Variants in COL1A2 observed in about 807,000 individuals in gnomAD.
COL1A2 encodes collagen alpha-2(I) chain.
In COL1A2, 49 loss-of-function variants were observed where a neutral mutation model predicts 174.3. The ratio of observed to expected loss-of-function variants is 0.28; its 90% CI spans 0.22 to 0.36. COL1A2 has a LOEUF of 0.36. COL1A2 is among the 10% of genes least tolerant of loss of function. The pLI, the probability that COL1A2 is intolerant of heterozygous loss-of-function variation, is 1.00. For missense variants in COL1A2, 1,438 were observed against 1,822.7 expected (o/e 0.79, Z 3.84); for synonymous variants, 655 against 606.6 (o/e 1.08, Z -1.17).
At position 94,400,060 on chromosome 7, in the gene COL1A2, C is replaced by T. The variant is rs781748615; in HGVS notation, c.133-136C>T. 8 of 833,662 alleles carry T rather than the reference C, an allele frequency of 9.6e-6. No homozygotes were observed. In the Admixed American group the frequency reaches 1.4e-4, roughly 14 times the overall value. 51.6% of individuals were successfully genotyped at this position (833,662 alleles called of 1,614,324 possible). On this transcript the variant is annotated intron_variant, in intron 4 of 51. Transcript: ENST00000297268. ...AATAGACTCATAAGTGAATTTCAAT[C>T]AATGACAAATATAGTATATTAAATT...
rs368262779 is a variant in COL1A2 at position 94,411,090 on chromosome 7, C to T, written c.1286C>T (p.Ala429Val). 6.2e-7 allele frequency: 1 copy of T among 1,602,960 alleles called. No homozygotes were observed. The highest frequency in any genetic ancestry group is 1.4e-5 in the African/African-American group (1 of 73,816). Reference sequence around the variant, plus strand: ...GGTAGTCGTGGTGCAAGTGGCCCTGCTGGAGTCCGAGGACCTAATGGAGAT... The same window carrying T: ...GGTAGTCGTGGTGCAAGTGGCCCTGTTGGAGTCCGAGGACCTAATGGAGAT... The part of the protein sequence containing the change: ...PPGSRGASGP[A>V]GVRGPNGDAG... Residue 429 changes from alanine to valine, a missense_variant, in exon 23 of 52, where the codon GCT becomes GTT. Physicochemically the swap from Ala to Val is moderately conservative, Grantham distance 64 (BLOSUM62 0). Transcript: ENST00000297268.
Position 94,430,813 on chromosome 7 carries a change from G to T in COL1A2, c.*420G>T. The T allele has an allele frequency of 4.6e-6, 1 of 215,440 alleles. No homozygotes were observed. Among genetic ancestry groups the T allele is most frequent in the Non-Finnish European group, 9.3e-6 (1 of 107,328 alleles). The allele number at this position is 215,440 out of a possible 1,614,324, so 13.3% of individuals were successfully genotyped here. A position where few individuals can be genotyped will look rare whatever the true frequency, so the allele number is the denominator to read the frequency against. ...CCCATGAGTGTGATCCACATTGTTA[G>T]GTGCTGACCTAGACAGAGATGAACT... On this transcript the variant is annotated 3_prime_UTR_variant, in exon 52 of 52. Transcript: ENST00000297268.
intron 6 of COL1A2, 71 bp from the exon 7 acceptor site, chr7:94,404,485 C>A: frequency 6.5e-7 from 1 of 1,529,246 alleles, no homozygotes; most frequent in South Asian, 1.1e-5. Flanking sequence ...CTAAGTTGGT[C>A]ATATCTGACC....
intron 50 of COL1A2, 68 bp from the exon 51 acceptor site, chr7:94,429,120 T>TTC: frequency 1.6e-6 from 2 of 1,261,254 alleles, no homozygotes; most frequent in East Asian, 2.4e-5. Flanking sequence ...TTTTTTTTTT[T>TTC]TTCATGTTTG....
chr7:94,400,665 A>G (rs1220742670), intron 5 of COL1A2, among the ~76,000 whole-genome samples: 1 of 152,150 alleles, frequency 6.6e-6, no homozygotes, highest in Non-Finnish European at 1.5e-5. Context: ...TACGCTTTTT[A>G]TTCTCCTTGA....
In COL1A2 at chr7:94,401,050, T is replaced by A. The variant is rs529079583; in HGVS notation, c.226-517T>A. Among the ~76,000 whole-genome samples, 3 of 152,344 alleles carry A rather than the reference T, an allele frequency of 2.0e-5. No individual in the cohort carries two copies. In the South Asian group the frequency reaches 6.2e-4, roughly 32 times the overall value. On this transcript the variant is annotated intron_variant, in intron 5 of 51. Transcript: ENST00000297268. ...TGTGAACTAGTTTTTAGAAGTTTTA[T>A]CTTCCAAGGGGTATTTTAATTTAAT...
intron 40 of COL1A2, chr7:94,423,417 A>C (rs929473979): frequency 2.4e-6 from 1 of 417,526 alleles, no homozygotes; most frequent in Non-Finnish European, 4.5e-6. Context: ...TGCTGTGGCC[A>C]TCCTACTACA....
At chr7:94,404,472 CTGCT>C (rs1791752563) in intron 6 of COL1A2, 80 bp from the exon 7 acceptor site, 2 of 1,416,096 alleles carry the variant, frequency 1.4e-6, no homozygotes, top group Non-Finnish European at 2.0e-6. Flanking sequence ...AACAATGGCA[CTGCT>C]AAGTTGGTCA....
rs902625662 is a variant in COL1A2 at position 94,427,213 on chromosome 7, C to G, written c.3185C>G (p.Ala1062Gly). The G allele has an allele frequency of 3.1e-6, 5 of 1,614,028 alleles. No individual in the cohort carries two copies. Among genetic ancestry groups the G allele is most frequent in the Non-Finnish European group, 4.2e-6 (5 of 1,179,984 alleles). ...GGCCCTGCTGGTCCTTCTGGCCCTG[C>G]TGGAAAAGATGGTCGCACTGGACAT... Reference protein sequence around the residue: ...PRGPAGPSGPAGKDGRTGHPG... With the variant: ...PRGPAGPSGPGGKDGRTGHPG... The change falls in exon 48 of 52, where the codon GCT becomes GGT. Residue 1062 changes from alanine (A) to glycine (G), a missense_variant. By Grantham distance (60) the Ala-to-Gly change is moderately conservative. Coordinates refer to ENST00000297268, the MANE Select transcript of COL1A2 (RefSeq NM_000089.4).
chr7:94,399,168 A>G (rs1791639590), intron 4 of COL1A2, 84 bp downstream of exon 4: 2 of 1,259,890 alleles, frequency 1.6e-6, no homozygotes, highest in Non-Finnish European at 2.3e-6. Flanking sequence ...GCAATTTATA[A>G]GAATATTATG....
chr7:94,422,571 TTA>T, intron 39 of COL1A2: 4 of 172,568 alleles, frequency 2.3e-5, no homozygotes, highest in South Asian at 9.1e-5. Context: ...TTGGCTTTCT[TTA>T]AAAAAAAAAA....
At position 94,419,557 on chromosome 7, in the gene COL1A2, C is replaced by T; in HGVS notation, c.2079+6C>T. 9 of 1,613,992 alleles carry T rather than the reference C, an allele frequency of 5.6e-6. No homozygotes were observed. The highest frequency in any genetic ancestry group is 7.6e-6 in the Non-Finnish European group (9 of 1,179,972). On this transcript the variant is annotated splice_donor_region_variant and intron_variant, in intron 34 of 51. Coordinates refer to ENST00000297268, the MANE Select transcript of COL1A2 (RefSeq NM_000089.4). ...CTGGAGCCACAGGTGACCGGGTAAGCATGCATTTTCACTAAGCCAACAGCA... is the reference window on the plus strand; with the variant it reads ...CTGGAGCCACAGGTGACCGGGTAAGTATGCATTTTCACTAAGCCAACAGCA...
At chr7:94,426,101 C>T (rs1428681999) in intron 45 of COL1A2, 50 bp downstream of exon 45, 3 of 1,479,050 alleles carry the variant, frequency 2.0e-6, no homozygotes, top group Admixed American at 1.7e-5. Flanking sequence ...TAGAGAGAAT[C>T]AGTCCAAAAC....
chr7:94,413,052 T>A (rs1416473375), intron 25 of COL1A2, 31 bp from the exon 26 acceptor site: 1 of 1,607,188 alleles, frequency 6.2e-7, no homozygotes, highest in Admixed American at 1.7e-5. Context: ...TGCAAAGCTG[T>A]TCTTTGTTTT....
intron 39 of COL1A2, chr7:94,422,155 C>G (rs1467364795): frequency 4.2e-6 from 2 of 473,468 alleles, no homozygotes; most frequent in Non-Finnish European, 7.5e-6. Context: ...GGCTTTTATT[C>G]ATGTGAACAC....
At position 94,404,854 on chromosome 7, in the gene COL1A2, C is replaced by T. The variant is rs774934546; in HGVS notation, c.394C>T (p.Arg132Cys). 1.2e-6 allele frequency: 2 copies of T among 1,613,840 alleles called. No homozygotes were observed. The highest frequency in any genetic ancestry group is 1.7e-6 in the Non-Finnish European group (2 of 1,179,990). The change falls in exon 9 of 52, where the codon CGT becomes TGT. Residue 132 changes from arginine (R) to cysteine (C), a missense_variant. Coordinates refer to ENST00000297268, the MANE Select transcript of COL1A2 (RefSeq NM_000089.4). ...ATTTTCTTAGGGTCCTGCAGGTGCT[C>T]GTGGTCCAGCTGGCCCTCCTGGCAA... is the stretch of plus-strand genomic sequence containing the variant. ...EPGQTGPAGARGPAGPPGKAG... is the reference protein window; with the variant it reads ...EPGQTGPAGACGPAGPPGKAG...
chr7:94,418,542 A>G lies in COL1A2; in HGVS notation c.2015A>G (p.Asp672Gly). ...GGTGAAATTGGTAACCCTGGCAGAG[A>G]TGGTGCTCGTGTGAGTAGAATTTTG... ...LRGEIGNPGRDGARGAPGAVG... is the reference protein window; with the variant it reads ...LRGEIGNPGRGGARGAPGAVG... The change falls in exon 33 of 52, where the codon GAT (aspartate) becomes GGT (glycine). Residue 672 changes from aspartate to glycine, a missense_variant. Asp to Gly is a moderately conservative substitution (Grantham distance 94, BLOSUM62 -1). Transcript: ENST00000297268. 6.2e-7 allele frequency: 1 copy of G among 1,613,770 alleles called. No individual in the cohort carries two copies. The highest frequency in any genetic ancestry group is 8.5e-7 in the Non-Finnish European group (1 of 1,179,840).
At chr7:94,417,212 C>G (rs973010468) in intron 31 of COL1A2, among the ~76,000 whole-genome samples, 7 of 152,062 alleles carry the variant, frequency 4.6e-5, no homozygotes, top group African/African-American at 1.4e-4. Context: ...TGAGGTAGTA[C>G]TTTCAAAGGG....
At chr7:94,407,018 A>G (rs1791815609) in intron 12 of COL1A2, among the ~76,000 whole-genome samples, 1 of 152,192 alleles carries the variant, frequency 6.6e-6, no homozygotes, top group South Asian at 2.1e-4. Context: ...AGAGCCCGAT[A>G]TAACAGCTCA....
Sources: gnomAD v4.1 joint callset for allele counts (sites outside exome capture counted in the v4.1 genomes callset) on GRCh38, gnomAD v4.1.1 for gene constraint, MANE v1.5 for transcripts, NCBI Gene and HGNC (gene_info 2026-07-23, HGNC 2026-07-21) for gene names.